CASK: variants seen among roughly 807,000 people sequenced by gnomAD.
The protein encoded by CASK is peripheral plasma membrane protein CASK.
CASK carries 4 observed loss-of-function variants against 82.9 expected under a neutral mutation model. The observed-to-expected ratio is 0.05, with a 90% CI of 0.02 to 0.11. The LOEUF is 0.11. Ranked by LOEUF, CASK falls within the 10% of genes least tolerant of loss-of-function variation. CASK has a pLI of 1.00. For synonymous variants in CASK, 259 were observed against 253.5 expected, an observed-to-expected ratio of 1.02 and a Z score of -0.20; for missense variants, 358 against 720.9, an observed-to-expected ratio of 0.50 and a Z score of 5.76.
chrX:41,670,029 A>T (rs2067174970), intron 6 of CASK, among the ~76,000 whole-genome samples: 1 of 112,526 alleles, frequency 8.9e-6, no homozygotes. Context: ...ACTGGGTAGA[A>T]GTTACAGAAA....
At chrX:41,706,446 G>A (rs925284014) in intron 5 of CASK, among the ~76,000 whole-genome samples, 3 of 111,533 alleles carry the variant, frequency 2.7e-5, no homozygotes, top group Middle Eastern at 4.2e-3. Flanking sequence ...ATCCTTTTAA[G>A]CTCTGGTATT....
At position 41,813,909 on chromosome X, in the gene CASK, A is replaced by C. The variant is rs1162125559; in HGVS notation, c.173-26626T>G. Reference sequence around the variant, plus strand: ...ACAAATTTACAAGAAAAAAACAAACAACCCCATCAAAAAGTGGGTGAAGGA... The same window carrying C: ...ACAAATTTACAAGAAAAAAACAAACCACCCCATCAAAAAGTGGGTGAAGGA... On this transcript the variant is annotated intron_variant, in intron 2 of 26. Coordinates refer to ENST00000378163, the MANE Select transcript of CASK (RefSeq NM_001367721.1). 3.6e-5 allele frequency among the ~76,000 whole-genome samples: 4 copies of C among 112,086 alleles called. No homozygotes were observed. The East Asian group carries it at 1.1e-3, about 31-fold the overall frequency.
intron 8 of CASK, among the ~76,000 whole-genome samples, chrX:41,642,844 C>G (rs971370044): frequency 8.9e-6 from 1 of 111,858 alleles, no homozygotes; most frequent in African/African-American, 3.2e-5. Context: ...CTGAATGGTA[C>G]TGTCTAGGCT....
At chrX:41,831,538 C>G (rs754863438) in intron 2 of CASK, among the ~76,000 whole-genome samples, 2 of 112,355 alleles carry the variant, frequency 1.8e-5, no homozygotes, top group Non-Finnish European at 3.8e-5. Context: ...AGAGTCTTTA[C>G]TACAAACAAG....
intron 3 of CASK, among the ~76,000 whole-genome samples, chrX:41,747,397 G>A (rs2068705561): frequency 9.0e-6 from 1 of 111,296 alleles, no homozygotes; most frequent in Non-Finnish European, 1.9e-5. Flanking sequence ...TATCTGTATG[G>A]TAAAATTCCT....
chrX:41,802,171 T>C (rs915674909), intron 2 of CASK, among the ~76,000 whole-genome samples: 1 of 111,448 alleles, frequency 9.0e-6, no homozygotes, highest in Non-Finnish European at 1.9e-5. Flanking sequence ...CAAAGAAAAT[T>C]TCAAAAATAT....
In CASK at chrX:41,801,737, T is replaced by G. The variant is rs2070002259; in HGVS notation, c.173-14454A>C. 2.7e-5 allele frequency among the ~76,000 whole-genome samples: 3 copies of G among 111,239 alleles called. No homozygotes were observed. In the South Asian group the frequency reaches 1.2e-3, roughly 43 times the overall value. On this transcript the variant is annotated intron_variant, in intron 2 of 26. Coordinates refer to ENST00000378163, the MANE Select transcript of CASK (RefSeq NM_001367721.1). The stretch of plus-strand genomic sequence containing the variant: ...CTTGGATATCTTTGGCCAAGCAAAT[T>G]ATCCTTACCCCACTTTTTGGAGACT...
chrX:41,718,354 T>G (rs1041003036), intron 5 of CASK, among the ~76,000 whole-genome samples: 1 of 113,156 alleles, frequency 8.8e-6, no homozygotes, highest in African/African-American at 3.2e-5. Context: ...AAAGAGGGGC[T>G]GTGGGATCTT....
At chrX:41,792,289 ATTTTT>A (rs757353818) in intron 2 of CASK, among the ~76,000 whole-genome samples, 1 of 91,413 alleles carries the variant, frequency 1.1e-5, no homozygotes, top group Non-Finnish European at 2.2e-5. Context: ...TTCAATAAGG[ATTTTT>A]TTTTTTTTTT....
At chrX:41,613,118 C>T (rs1362337095) in intron 11 of CASK, among the ~76,000 whole-genome samples, 5 of 112,079 alleles carry the variant, frequency 4.5e-5, no homozygotes, top group Non-Finnish European at 7.6e-5. Flanking sequence ...GCCACCACCC[C>T]GTCTGGGAGG....
At chrX:41,554,827 A>G (rs1312125894) in intron 20 of CASK, among the ~76,000 whole-genome samples, 1 of 112,292 alleles carries the variant, frequency 8.9e-6, no homozygotes, top group African/African-American at 3.2e-5. Context: ...TTAACACTAA[A>G]TCTGATTATT....
chrX:41,580,851 C>T (rs1044483327), intron 14 of CASK, among the ~76,000 whole-genome samples: 1 of 112,049 alleles, frequency 8.9e-6, no homozygotes, highest in Non-Finnish European at 1.9e-5. Context: ...GTTTTAACTA[C>T]GTAACAATCG....
intron 1 of CASK, among the ~76,000 whole-genome samples, chrX:41,869,133 T>A (rs1411786537): frequency 9.0e-6 from 1 of 111,605 alleles, no homozygotes; most frequent in Non-Finnish European, 1.9e-5. Flanking sequence ...TTCAATCACA[T>A]AAAACTACTT....
intron 25 of CASK, among the ~76,000 whole-genome samples, chrX:41,525,023 C>A (rs745915776): frequency 7.2e-5 from 8 of 111,731 alleles, no homozygotes; most frequent in Non-Finnish European, 1.1e-4. Context: ...GCTTGCTTCA[C>A]GCTATTCCTA....
chrX:41,555,521 A>G, intron 20 of CASK, 79 bp downstream of exon 20: 1 of 759,958 alleles, frequency 1.3e-6, no homozygotes, highest in South Asian at 2.1e-5. Context: ...TGCAAACATT[A>G]TGGGATGGAA....
intron 3 of CASK, among the ~76,000 whole-genome samples, chrX:41,769,084 T>A (rs899827020): frequency 1.8e-5 from 2 of 111,335 alleles, no homozygotes; most frequent in Admixed American, 1.9e-4. Context: ...AAAAGAGTTT[T>A]AAATACATTG....
intron 1 of CASK, among the ~76,000 whole-genome samples, chrX:41,915,662 G>A (rs776411617): frequency 5.4e-5 from 6 of 110,102 alleles, no homozygotes; most frequent in South Asian, 3.9e-4. Flanking sequence ...TCAGGAGTTC[G>A]AGACCAGCCT....
At chrX:41,866,264 T>C (rs1008708107) in intron 1 of CASK, among the ~76,000 whole-genome samples, 19 of 112,273 alleles carry the variant, frequency 1.7e-4, no homozygotes, top group Non-Finnish European at 3.2e-4. Flanking sequence ...TGTGAAACAG[T>C]GGGGATGAGC....
chrX:41,704,494 A>G (rs997288143), intron 5 of CASK, among the ~76,000 whole-genome samples: 3 of 112,245 alleles, frequency 2.7e-5, no homozygotes, highest in African/African-American at 9.7e-5. Flanking sequence ...AGACCAGGAG[A>G]TGACCTGATT....
Sources: allele counts gnomAD v4.1 joint callset (sites outside exome capture counted in the v4.1 genomes callset), GRCh38; gene constraint gnomAD v4.1.1; transcripts MANE v1.5; gene names NCBI Gene and HGNC (gene_info 2026-07-23, HGNC 2026-07-21).